FER: variants seen among roughly 807,000 people sequenced by gnomAD.
FER encodes FER tyrosine kinase, also known as tyrosine-protein kinase Fer.
In FER, 63 loss-of-function variants were observed where a neutral mutation model predicts 111.0. That is an observed-to-expected ratio of 0.57 (90% confidence interval 0.46 to 0.70). FER has a LOEUF of 0.70. Ranked by LOEUF, FER falls within the 30% of genes least tolerant of loss-of-function variation. FER has a pLI of 0.00. For synonymous variants in FER, 327 were observed against 313.9 expected, an observed-to-expected ratio of 1.04 and a Z score of -0.44; for missense variants, 914 against 954.0, an observed-to-expected ratio of 0.96 and a Z score of 0.55.
chr5:108,777,230 C>G (rs529268865), intron 2 of FER, among the ~76,000 whole-genome samples: 1 of 152,170 alleles, frequency 6.6e-6, no homozygotes, highest in Admixed American at 6.5e-5. Flanking sequence ...GATATTTGCT[C>G]CCAATCTGTA....
intron 16 of FER, among the ~76,000 whole-genome samples, chr5:109,084,147 C>T (rs1258810173): frequency 6.6e-6 from 1 of 152,002 alleles, no homozygotes; most frequent in Non-Finnish European, 1.5e-5. Flanking sequence ...CCTGGTCACT[C>T]CCACCCATTC....
chr5:109,071,342 T>C (rs952207890), intron 16 of FER, among the ~76,000 whole-genome samples: 6 of 152,030 alleles, frequency 3.9e-5, no homozygotes, highest in Non-Finnish European at 8.8e-5. Context: ...CTCTTCATAA[T>C]TAGACTGACC....
chr5:109,076,922 A>G (rs1776410846), intron 16 of FER, among the ~76,000 whole-genome samples: 1 of 152,202 alleles, frequency 6.6e-6, no homozygotes, highest in South Asian at 2.1e-4. Context: ...TCATGCCGTC[A>G]TTATGGATGA....
At chr5:108,972,740 A>G (rs575310491) in intron 13 of FER, among the ~76,000 whole-genome samples, 25 of 152,338 alleles carry the variant, frequency 1.6e-4, no homozygotes, top group African/African-American at 6.0e-4. Flanking sequence ...TGAAAAATAT[A>G]AACAAGACTC....
chr5:108,764,600 T>C (rs1040587911), intron 1 of FER, among the ~76,000 whole-genome samples: 2 of 152,146 alleles, frequency 1.3e-5, no homozygotes, highest in African/African-American at 4.8e-5. Flanking sequence ...TTTCTCCATG[T>C]TGGTCAGGCT....
intron 17 of FER, among the ~76,000 whole-genome samples, chr5:109,129,605 G>T (rs764458323): frequency 5.3e-5 from 8 of 151,954 alleles, no homozygotes; most frequent in Non-Finnish European, 7.4e-5. Flanking sequence ...AATATTTCAT[G>T]ATATAAAAAG....
intron 16 of FER, among the ~76,000 whole-genome samples, chr5:109,097,561 C>T (rs757922539): frequency 6.6e-6 from 1 of 151,814 alleles, no homozygotes; most frequent in Non-Finnish European, 1.5e-5. Context: ...TTTGTATTGG[C>T]ACTTAATGAA....
chr5:109,094,673 G>A (rs1747261025), intron 16 of FER, among the ~76,000 whole-genome samples: 1 of 152,140 alleles, frequency 6.6e-6, no homozygotes, highest in South Asian at 2.1e-4. Flanking sequence ...TAGACAATAT[G>A]TAAAGAAATT....
chr5:109,118,838 G>A (rs1471186576), intron 17 of FER, among the ~76,000 whole-genome samples: 2 of 151,974 alleles, frequency 1.3e-5, no homozygotes, highest in East Asian at 3.9e-4. Flanking sequence ...ATTTCTGTGG[G>A]ATCAGTGGTG....
intron 12 of FER, among the ~76,000 whole-genome samples, chr5:108,955,460 G>T (rs1235670854): frequency 1.3e-5 from 2 of 151,730 alleles, no homozygotes; most frequent in Non-Finnish European, 3.0e-5. Flanking sequence ...AATTAATGAA[G>T]AATTAAAAAT....
intron 17 of FER, among the ~76,000 whole-genome samples, chr5:109,124,058 C>T (rs899616894): frequency 2.0e-5 from 3 of 151,372 alleles, no homozygotes; most frequent in Non-Finnish European, 2.9e-5. Flanking sequence ...AACCTGATCT[C>T]TACAAAAAAT....
At chr5:109,059,006 G>A (rs1000991912) in intron 16 of FER, among the ~76,000 whole-genome samples, 34 of 151,148 alleles carry the variant, frequency 2.2e-4, no homozygotes, top group African/African-American at 7.5e-4. Context: ...TCCCTAAGTG[G>A]TGGGATTACA....
chr5:109,089,975 C>T (rs1318590427), intron 16 of FER, among the ~76,000 whole-genome samples: 2 of 152,124 alleles, frequency 1.3e-5, no homozygotes, highest in South Asian at 2.1e-4. Flanking sequence ...TAGTGCCTTT[C>T]GGAGGAAGCA....
At position 109,195,443 on chromosome 5, in the gene FER, A is replaced by G. The variant is rs1302128934; in HGVS notation, c.*7868A>G. On this transcript the variant is annotated 3_prime_UTR_variant, in exon 20 of 20. Transcript: ENST00000281092. Reference sequence around the variant, plus strand: ...AATGGAATTCACTATTTTTGGCTTTAGTGTCAAAGAGATTGGTTCTACAAG... The same window carrying G: ...AATGGAATTCACTATTTTTGGCTTTGGTGTCAAAGAGATTGGTTCTACAAG... 1 of 152,200 alleles carries G rather than the reference A, an allele frequency of 6.6e-6. No individual in the cohort carries two copies. The highest frequency in any genetic ancestry group is 6.5e-5 in the Admixed American group (1 of 15,284). The allele number at this position is 152,200 out of a possible 1,614,324, so 9.4% of individuals were successfully genotyped here.
chr5:108,916,425 A>C (rs377085314), intron 10 of FER, among the ~76,000 whole-genome samples: 1 of 151,886 alleles, frequency 6.6e-6, no homozygotes, highest in South Asian at 2.1e-4. Flanking sequence ...TTAGATGTTT[A>C]CCTTAATAAT....
intron 10 of FER, among the ~76,000 whole-genome samples, chr5:108,933,386 C>G (rs1031965830): frequency 2.6e-5 from 4 of 152,068 alleles, no homozygotes; most frequent in Non-Finnish European, 5.9e-5. Context: ...TTAGATTTGT[C>G]AAAGATTAGA....
intron 1 of FER, among the ~76,000 whole-genome samples, chr5:108,753,146 G>A (rs1474985472): frequency 6.6e-6 from 1 of 152,034 alleles, no homozygotes; most frequent in African/African-American, 2.4e-5. Context: ...CTGACTTTAG[G>A]AAGTATTCAG....
At chr5:109,182,430 A>G (rs577876295) in intron 18 of FER, among the ~76,000 whole-genome samples, 138 of 152,220 alleles carry the variant, frequency 9.1e-4, no homozygotes, top group African/African-American at 3.3e-3. Context: ...CAGAGCTGCT[A>G]TTTTCCATAG....
At chr5:108,894,870 C>T (rs889193692) in intron 9 of FER, among the ~76,000 whole-genome samples, 1 of 152,020 alleles carries the variant, frequency 6.6e-6, no homozygotes, top group Non-Finnish European at 1.5e-5. Flanking sequence ...AGAAAAGACC[C>T]CCCATCATGT....
Sources: gnomAD v4.1 joint callset for allele counts (sites outside exome capture counted in the v4.1 genomes callset) on GRCh38, gnomAD v4.1.1 for gene constraint, MANE v1.5 for transcripts, NCBI Gene and HGNC (gene_info 2026-07-23, HGNC 2026-07-21) for gene names.